The following SRR variants were observed in gnomAD, a reference collection of about 807,000 sequenced individuals.
SRR encodes the protein serine racemase, also known as D-serine ammonia-lyase.
A neutral mutation model predicts 32.7 loss-of-function variants in SRR; 19 were observed. The ratio of observed to expected loss-of-function variants is 0.58; its 90% CI spans 0.40 to 0.85. The LOEUF is 0.85. Ranked by LOEUF, SRR falls within the 40% of genes least tolerant of loss-of-function variation. SRR has a pLI of 0.00. For missense variants in SRR, 373 were observed against 404.7 expected, an observed-to-expected ratio of 0.92 and a Z score of 0.67; for synonymous variants, 142 against 140.9, an observed-to-expected ratio of 1.01 and a Z score of -0.06.
Position 2,323,921 on chromosome 17 carries a change from G to A in SRR, c.*48G>A. On this transcript the variant is annotated 3_prime_UTR_variant, in exon 8 of 8. Coordinates refer to ENST00000344595, the MANE Select transcript of SRR (RefSeq NM_021947.3). ...GAATTCAGTGTCTTTAGATACTGAAGACATTTTGTTTCCTAGTATTGTCAA... is the reference window on the plus strand; with the variant it reads ...GAATTCAGTGTCTTTAGATACTGAAAACATTTTGTTTCCTAGTATTGTCAA... 6.6e-7 allele frequency: 1 copy of A among 1,516,688 alleles called. No homozygotes were observed. The highest frequency in any genetic ancestry group is 9.1e-7 in the Non-Finnish European group (1 of 1,098,112). The allele number at this position is 1,516,688 out of a possible 1,614,324, so 94.0% of individuals were successfully genotyped here. A position where few individuals can be genotyped will look rare whatever the true frequency, so the allele number is the denominator to read the frequency against.
At chr17:2,304,489 C>T (rs907373918) in intron 1 of SRR, among the ~76,000 whole-genome samples, 1 of 150,494 alleles carries the variant, frequency 6.6e-6, no homozygotes, top group Non-Finnish European at 1.5e-5. Flanking sequence ...GTGATCCACC[C>T]GCGTCGGCCT....
intron 1 of SRR, among the ~76,000 whole-genome samples, chr17:2,314,176 G>A (rs947229333): frequency 6.6e-6 from 1 of 152,184 alleles, no homozygotes. Context: ...GGAGCCGGGC[G>A]CAGTGACTCA....
Position 2,324,766 on chromosome 17 carries a change from TTGA to T in SRR, c.*897_*899del, listed in dbSNP as rs1292751233. 9.9e-6 allele frequency: 16 copies of T among 1,614,106 alleles called. No homozygotes were observed. Among genetic ancestry groups the T allele is most frequent in the Non-Finnish European group, 1.4e-5 (16 of 1,180,044 alleles). On this transcript the variant is annotated 3_prime_UTR_variant, in exon 8 of 8. Transcript: ENST00000344595. ...AGGATGACCACTCAGAACAACTCTC[TTGA>T]TGACCATTCTGTCTGGATCTACTGA...
At position 2,321,509 on chromosome 17, in the gene SRR, T is replaced by C. The variant is rs749879493; in HGVS notation, c.520-33T>C. The C allele has an allele frequency of 4.3e-6, 7 of 1,613,448 alleles. No homozygotes were observed. In the Admixed American group the frequency reaches 8.3e-5, roughly 19 times the overall value. On this transcript the variant is annotated intron_variant, in intron 5 of 7. Coordinates refer to ENST00000344595, the MANE Select transcript of SRR (RefSeq NM_021947.3). ...TTATTTTATATGTATACATTAAATA[T>C]AAAACTGCTTACAGTTTATATTTTC...
chr17:2,321,163 A>G (rs2075524610), intron 4 of SRR, 143 bp from the exon 5 acceptor site: 12 of 948,630 alleles, frequency 1.3e-5, no homozygotes, highest in Middle Eastern at 3.5e-4. Flanking sequence ...GAGGGCAGGG[A>G]TATTTTATTA....
upstream of SRR, chr17:2,303,492 G>A: frequency 2.3e-6 from 3 of 1,329,074 alleles, no homozygotes; most frequent in Middle Eastern, 2.8e-4. Flanking sequence ...GGCAGCGAGG[G>A]TCCGCCGCGG....
chr17:2,319,315 C>A (rs1188506481), intron 4 of SRR, among the ~76,000 whole-genome samples: 3 of 151,980 alleles, frequency 2.0e-5, no homozygotes, highest in South Asian at 2.1e-4. Flanking sequence ...TCTAGTTACT[C>A]AAAAAAAAGT....
At chr17:2,307,412 G>T in intron 1 of SRR, 1 of 1,234,088 alleles carries the variant, frequency 8.1e-7, no homozygotes. Context: ...AACTTTGGTT[G>T]TGAAGGAAAT....
intron 4 of SRR, 23 bp from the exon 5 acceptor site, chr17:2,321,283 A>C (rs763761895): frequency 7.4e-6 from 12 of 1,611,228 alleles, no homozygotes; most frequent in Non-Finnish European, 9.3e-6. Context: ...CAAATCAATT[A>C]AGCTAAATTA....
chr17:2,322,199 G>T (rs571802002), intron 6 of SRR, among the ~76,000 whole-genome samples: 1 of 152,274 alleles, frequency 6.6e-6, no homozygotes, highest in East Asian at 1.9e-4. Context: ...AAAGTGCTAG[G>T]ATTACAGGTG....
rs181794003 is a variant in SRR at position 2,316,603 on chromosome 17, G to A, written c.168+875G>A. 3.9e-3 allele frequency among the ~76,000 whole-genome samples: 601 copies of A among 152,318 alleles called. 4 individuals are homozygous for A. The highest frequency in any genetic ancestry group is 0.012 in the African/African-American group (483 of 41,564). Reference sequence around the variant, plus strand: ...CAAAAAATACAAATATATGACAGGCGCAGTGGTTCACACTTGTAATCCCAG... The same window carrying A: ...CAAAAAATACAAATATATGACAGGCACAGTGGTTCACACTTGTAATCCCAG... On this transcript the variant is annotated intron_variant, in intron 2 of 7. Transcript: ENST00000344595.
At position 2,314,335 on chromosome 17, in the gene SRR, G is replaced by A. The variant is rs368069730; in HGVS notation, c.-4-1222G>A. Reference sequence around the variant, plus strand: ...TTGGTGGCTCACGCCTGTAATCCCAGCACTTTGGGAGGCCGAGGCAGGCGG... The same window carrying A: ...TTGGTGGCTCACGCCTGTAATCCCAACACTTTGGGAGGCCGAGGCAGGCGG... On this transcript the variant is annotated intron_variant, in intron 1 of 7. Coordinates refer to ENST00000344595, the MANE Select transcript of SRR (RefSeq NM_021947.3). 1.1e-4 allele frequency among the ~76,000 whole-genome samples: 16 copies of A among 152,254 alleles called. No individual in the cohort carries two copies. The East Asian group carries it at 1.3e-3, about 13-fold the overall frequency.
rs1359985960 is a variant in SRR at position 2,325,157 on chromosome 17, A to T, written c.*1284A>T. 3.0e-6 allele frequency: 2 copies of T among 669,236 alleles called. No individual in the cohort carries two copies. Among genetic ancestry groups the T allele is most frequent in the Non-Finnish European group, 5.0e-6 (2 of 403,212 alleles). 41.5% of individuals were successfully genotyped at this position (669,236 alleles called of 1,614,324 possible). On this transcript the variant is annotated 3_prime_UTR_variant, in exon 8 of 8. Transcript: ENST00000344595. ...AGTTGGAGTTTTCATTGTTCTATTA[A>T]CAATGTTAAATGAAGACTTACTGTA...
chr17:2,315,614 C>T lies in SRR; in HGVS notation c.54C>T (p.Asn18=). The T allele has an allele frequency of 6.2e-7, 1 of 1,614,108 alleles. No homozygotes were observed. The highest frequency in any genetic ancestry group is 8.5e-7 in the Non-Finnish European group (1 of 1,179,998). Residue 18 remains asparagine (N), a synonymous_variant, in exon 2 of 8, where the codon AAC becomes AAT. Coordinates refer to ENST00000344595, the MANE Select transcript of SRR (RefSeq NM_021947.3). ...CTGATGTTGAAAAAGCTCATATCAA[C>T]ATTCGAGATTCTATCCACCTCACAC... ...SFADVEKAHI[N]IRDSIHLTPV...
intron 1 of SRR, among the ~76,000 whole-genome samples, chr17:2,314,349 C>T (rs1256104821): frequency 6.6e-6 from 1 of 151,542 alleles, no homozygotes; most frequent in Non-Finnish European, 1.5e-5. Flanking sequence ...TTTGGGAGGC[C>T]GAGGCAGGCG....
chr17:2,312,746 A>G (rs1007375083), intron 1 of SRR, among the ~76,000 whole-genome samples: 7 of 152,218 alleles, frequency 4.6e-5, no homozygotes, highest in African/African-American at 1.7e-4. Context: ...GGCAGTGGGT[A>G]TCAGATTTCT....
chr17:2,322,406 C>G (rs1176881406), intron 6 of SRR: 2 of 152,232 alleles, frequency 1.3e-5, no homozygotes, highest in East Asian at 3.8e-4. Context: ...TAGTATCAGA[C>G]ATATAATTTA....
intron 1 of SRR, among the ~76,000 whole-genome samples, chr17:2,315,122 A>G (rs2075462313): frequency 6.6e-6 from 1 of 151,710 alleles, no homozygotes; most frequent in African/African-American, 2.4e-5. Context: ...CATTCCTGTA[A>G]TCCCAGCTAC....
In SRR at chr17:2,316,630, A is replaced by T. The variant is rs150740902; in HGVS notation, c.168+902A>T. Among the ~76,000 whole-genome samples, 97 of 152,356 alleles carry T rather than the reference A, an allele frequency of 6.4e-4. 1 individual carries two copies. The highest frequency in any genetic ancestry group is 2.2e-3 in the African/African-American group (90 of 41,594). On this transcript the variant is annotated intron_variant, in intron 2 of 7. Transcript: ENST00000344595. ...AGTGGTTCACACTTGTAATCCCAGCACTTTGGGAGGCTGAGGCAGGTGGAT... is the reference window on the plus strand; with the variant it reads ...AGTGGTTCACACTTGTAATCCCAGCTCTTTGGGAGGCTGAGGCAGGTGGAT...
Sources: allele counts gnomAD v4.1 joint callset (sites outside exome capture counted in the v4.1 genomes callset), GRCh38; gene constraint gnomAD v4.1.1; transcripts MANE v1.5; gene names NCBI Gene and HGNC (gene_info 2026-07-23, HGNC 2026-07-21).